Variants in RHOU observed in about 807,000 individuals in gnomAD.
RHOU encodes ras homolog family member U.
A neutral mutation model predicts 12.6 loss-of-function variants in RHOU; 8 were observed. That is an observed-to-expected ratio of 0.64 (90% CI 0.37 to 1.15). The LOEUF is 1.15. Ranked by LOEUF, RHOU falls within the 50% of genes most tolerant of loss-of-function variation. The probability of loss-of-function intolerance (pLI) is 0.01; values close to 1 mark genes in which losing one functional copy is unlikely to be tolerated. For synonymous variants in RHOU, 161 were observed against 147.4 expected, an observed-to-expected ratio of 1.09 and a Z score of -0.67; for missense variants, 258 against 347.0, an observed-to-expected ratio of 0.74 and a Z score of 2.04.
chr1:228,698,729 GT>G, the RHOU span, among the ~76,000 whole-genome samples: 1 of 152,180 alleles, frequency 6.6e-6, no homozygotes, highest in Non-Finnish European at 1.5e-5. Context: ...CCAATGTTTT[GT>G]TTTTGTCTGA....
chr1:228,708,751 T>G, the RHOU span, among the ~76,000 whole-genome samples: 2 of 151,312 alleles, frequency 1.3e-5, no homozygotes, highest in Non-Finnish European at 3.0e-5. Flanking sequence ...CTGCATCAAC[T>G]AACAAGCAAA....
intron 2 of RHOU, among the ~76,000 whole-genome samples, chr1:228,741,925 C>A (rs1047166682): frequency 6.6e-6 from 1 of 152,156 alleles, no homozygotes; most frequent in South Asian, 2.1e-4. Context: ...GGTTGGCTGT[C>A]GTCCCGTAAT....
At chr1:228,669,152 A>G in the RHOU span, among the ~76,000 whole-genome samples, 1 of 152,228 alleles carries the variant, frequency 6.6e-6, no homozygotes, top group African/African-American at 2.4e-5. Context: ...TAGGTAGTAC[A>G]CTGGACTTGA....
the RHOU span, chr1:228,687,515 A>G: frequency 1.3e-6 from 2 of 1,582,882 alleles, no homozygotes; most frequent in South Asian, 2.2e-5. Context: ...GAGGTGGCCG[A>G]ATCTTCCTTC....
At chr1:228,687,965 TCCTCCCTC>T in the RHOU span, 49 of 657,654 alleles carry the variant, frequency 7.5e-5, no homozygotes, top group Non-Finnish European at 1.1e-4. Context: ...CTTCTGTCCT[TCCTCCCTC>T]CCTCCCTCCC....
chr1:228,701,848 T>C, the RHOU span, among the ~76,000 whole-genome samples: 1 of 151,762 alleles, frequency 6.6e-6, no homozygotes, highest in Non-Finnish European at 1.5e-5. Context: ...GTTAGTACAC[T>C]TTGTATATAG....
chr1:228,659,987 A>G, the RHOU span, among the ~76,000 whole-genome samples: 1 of 151,262 alleles, frequency 6.6e-6, no homozygotes, highest in African/African-American at 2.4e-5. Context: ...AAAAACAAGA[A>G]AGAAAGAAAA....
At chr1:228,674,083 G>A in the RHOU span, among the ~76,000 whole-genome samples, 1 of 152,362 alleles carries the variant, frequency 6.6e-6, no homozygotes, top group South Asian at 2.1e-4. Context: ...TATAGTGGAA[G>A]TGTTGTGGTT....
chr1:228,678,926 T>A, the RHOU span, among the ~76,000 whole-genome samples: 1 of 152,064 alleles, frequency 6.6e-6, no homozygotes, highest in African/African-American at 2.4e-5. Context: ...GGTCAAGTTA[T>A]TTGGACAGAA....
At chr1:228,707,000 G>C in the RHOU span, among the ~76,000 whole-genome samples, 2 of 149,640 alleles carry the variant, frequency 1.3e-5, no homozygotes, top group Non-Finnish European at 3.0e-5. Context: ...GTGATAATGG[G>C]CATCCTTGCC....
the RHOU span, among the ~76,000 whole-genome samples, chr1:228,663,625 CT>C: frequency 6.9e-3 from 403 of 58,778 alleles, no homozygotes; most frequent in African/African-American, 0.019. Context: ...CTTTTCTTTT[CT>C]TTTTTTTTTT....
the RHOU span, among the ~76,000 whole-genome samples, chr1:228,690,830 C>A: frequency 6.6e-6 from 1 of 151,994 alleles, no homozygotes; most frequent in Non-Finnish European, 1.5e-5. Context: ...GTTGGGCAGG[C>A]TGGTCTCGAA....
the RHOU span, among the ~76,000 whole-genome samples, chr1:228,686,429 T>C: frequency 2.6e-5 from 4 of 152,130 alleles, no homozygotes; most frequent in Non-Finnish European, 5.9e-5. Flanking sequence ...AAAATGGCAA[T>C]AAAACAATAA....
chr1:228,687,900 T>C, the RHOU span: 2 of 811,110 alleles, frequency 2.5e-6, no homozygotes, highest in East Asian at 4.9e-5. Context: ...TTCTAACATA[T>C]TGTTCTCCCC....
chr1:228,687,800 C>G, the RHOU span: 19 of 1,325,640 alleles, frequency 1.4e-5, no homozygotes, highest in South Asian at 1.3e-4. Flanking sequence ...ACAAGCACAC[C>G]CTGGGGGACA....
At chr1:228,681,322 A>G in the RHOU span, among the ~76,000 whole-genome samples, 1,861 of 152,168 alleles carry the variant, frequency 0.012, 41 homozygotes, top group African/African-American at 0.043. Flanking sequence ...TTATAGGGTG[A>G]GGGAGCAGAG....
At chr1:228,687,241 T>G in the RHOU span, among the ~76,000 whole-genome samples, 1 of 152,146 alleles carries the variant, frequency 6.6e-6, no homozygotes, top group Non-Finnish European at 1.5e-5. Flanking sequence ...TCAGCGTGAC[T>G]GTCCCTCCCC....
chr1:228,666,793 T>C, the RHOU span, among the ~76,000 whole-genome samples: 1 of 152,278 alleles, frequency 6.6e-6, no homozygotes, highest in East Asian at 1.9e-4. Context: ...TGGATAAATA[T>C]CCAGCATTTC....
At chr1:228,686,581 T>C in the RHOU span, among the ~76,000 whole-genome samples, 1 of 152,234 alleles carries the variant, frequency 6.6e-6, no homozygotes, top group Non-Finnish European at 1.5e-5. Flanking sequence ...CAAGCCATGG[T>C]GAGCACTTGC....
Sources: allele counts gnomAD v4.1 joint callset (sites outside exome capture counted in the v4.1 genomes callset), GRCh38; gene constraint gnomAD v4.1.1; transcripts MANE v1.5; gene names NCBI Gene and HGNC (gene_info 2026-07-23, HGNC 2026-07-21).